TRIP13: variants seen among roughly 807,000 people sequenced by gnomAD.
TRIP13 encodes the protein pachytene checkpoint protein 2 homolog.
TRIP13 carries 25 observed loss-of-function variants against 54.4 expected under a neutral mutation model. The ratio of observed to expected loss-of-function variants is 0.46; its 90% CI spans 0.33 to 0.64. TRIP13 has a LOEUF of 0.64. TRIP13 is among the 30% of genes least tolerant of loss of function. The pLI is 0.02. For missense variants in TRIP13, 373 were observed against 534.2 expected (o/e 0.70, Z 2.97); for synonymous variants, 207 against 207.8 (o/e 1.00, Z 0.03).
chr5:917,030 G>A lies in TRIP13; in HGVS notation c.1226G>A (p.Gly409Glu), dbSNP rs148312124. 1.4e-4 allele frequency: 221 copies of A among 1,614,104 alleles called. No homozygotes were observed. The African/African-American group carries it at 2.1e-3, about 15-fold the overall frequency. ...TAGGCCCCCACCGTCACCATAGAGGGGTTCCTCCAGGCCCTGTCTCTGGCA... is the reference window on the plus strand; with the variant it reads ...TAGGCCCCCACCGTCACCATAGAGGAGTTCCTCCAGGCCCTGTCTCTGGCA... ...YVQAPTVTIE[G>E]FLQALSLAVD... is the part of the protein sequence containing the mutation. Residue 409 changes from glycine (G) to glutamate (E), a missense_variant, in exon 13 of 13, where the codon GGG becomes GAG. Around this residue, in one of 4 missense-constraint regions of TRIP13, gnomAD observed 101 missense variants for 138.5 expected, o/e 0.73. Transcript: ENST00000166345.
At chr5:910,759 G>A (rs916449436) in intron 9 of TRIP13, among the ~76,000 whole-genome samples, 7 of 152,174 alleles carry the variant, frequency 4.6e-5, no homozygotes, top group East Asian at 1.9e-4. Flanking sequence ...CCCCTGGGTC[G>A]TGATCTGCAG....
chr5:915,845 A>C lies in TRIP13; in HGVS notation c.1134-59A>C, dbSNP rs895170170. 1.3e-6 allele frequency: 2 copies of C among 1,585,000 alleles called. No individual in the cohort carries two copies. The highest frequency in any genetic ancestry group is 2.7e-5 in the African/African-American group (2 of 74,328). ...GATGCCTCGGCCAATGAGGAAAATT[A>C]GTCCTGAAACGTGTGATTGTATAAA... On this transcript the variant is annotated intron_variant, in intron 11 of 12. Transcript: ENST00000166345. The surrounding 1 kb of genome is among the most constrained non-coding windows in gnomAD (Gnocchi z 4.2).
rs1227074582 is a variant in TRIP13 at position 912,949 on chromosome 5, A to G, written c.1020+953A>G. Among the ~76,000 whole-genome samples, 1 of 152,184 alleles carries G rather than the reference A, an allele frequency of 6.6e-6. No individual in the cohort carries two copies. Among genetic ancestry groups the G allele is most frequent in the Non-Finnish European group, 1.5e-5 (1 of 68,028 alleles). Reference sequence around the variant, plus strand: ...AGTTGTTGCCACCTGCTGGTACCACAGAGTAGGGGTGTTAACAAGGATGGC... The same window carrying G: ...AGTTGTTGCCACCTGCTGGTACCACGGAGTAGGGGTGTTAACAAGGATGGC... On this transcript the variant is annotated intron_variant, in intron 10 of 12. Coordinates refer to ENST00000166345, the MANE Select transcript of TRIP13 (RefSeq NM_004237.4). This position sits in a 1 kb window ranked among gnomAD's most constrained non-coding sequence, Gnocchi z 7.2.
At chr5:896,606 G>C (rs1252034451) in intron 2 of TRIP13, 59 bp from the exon 3 acceptor site, 1 of 1,559,540 alleles carries the variant, frequency 6.4e-7, no homozygotes, top group Non-Finnish European at 8.7e-7. Context: ...TAATTTGTAT[G>C]GTTGCAGTTA....
intron 4 of TRIP13, among the ~76,000 whole-genome samples, chr5:900,942 G>C (rs1299072169): frequency 6.6e-6 from 1 of 151,856 alleles, no homozygotes; most frequent in Admixed American, 6.6e-5. Flanking sequence ...CCTCTGCATT[G>C]ATAGTCTGAG....
At chr5:910,996 CAT>C (rs979728096) in intron 9 of TRIP13, among the ~76,000 whole-genome samples, 1 of 152,354 alleles carries the variant, frequency 6.6e-6, no homozygotes, top group African/African-American at 2.4e-5. Flanking sequence ...AGCACTGCCA[CAT>C]GTGCAGCCAC....
chr5:907,191 GAAGT>G lies in TRIP13; in HGVS notation c.672+4_672+7del. On this transcript the variant is annotated splice_donor_variant and coding_sequence_variant, in exon 7 of 13. Transcript: ENST00000166345. LOFTEE classifies it high-confidence loss of function. This position sits in a 1 kb window ranked among gnomAD's most constrained non-coding sequence, Gnocchi z 4.1. Reference sequence around the variant, plus strand: ...CAGCCTCTTTTCTAAGTGGTTTTCGGAAGTAAGTATTAAATATTAATTCTAATTG... The same window carrying G: ...CAGCCTCTTTTCTAAGTGGTTTTCGGAAGTATTAAATATTAATTCTAATTG... 6.2e-7 allele frequency: 1 copy of G among 1,612,322 alleles called. No homozygotes were observed. Among genetic ancestry groups the G allele is most frequent in the Non-Finnish European group, 8.5e-7 (1 of 1,178,400 alleles).
chr5:900,571 C>T, intron 4 of TRIP13, 22 bp downstream of exon 4: 2 of 1,608,920 alleles, frequency 1.2e-6, no homozygotes, highest in Non-Finnish European at 1.7e-6. Context: ...TGCCTTTTCC[C>T]AGAATGCCCT....
chr5:914,865 C>T (rs1360494515), intron 11 of TRIP13, among the ~76,000 whole-genome samples: 2 of 152,018 alleles, frequency 1.3e-5, no homozygotes, highest in Non-Finnish European at 2.9e-5. Context: ...TACAAGGATT[C>T]GCAGAGTCCA....
At chr5:896,374 C>T (rs573632326) in intron 2 of TRIP13, among the ~76,000 whole-genome samples, 2 of 152,126 alleles carry the variant, frequency 1.3e-5, no homozygotes, top group African/African-American at 4.8e-5. Flanking sequence ...AGTTTTTGGT[C>T]CCATCTGTGT....
At chr5:896,291 G>A (rs1753912244) in intron 2 of TRIP13, among the ~76,000 whole-genome samples, 1 of 152,150 alleles carries the variant, frequency 6.6e-6, no homozygotes, top group Admixed American at 6.5e-5. Context: ...TCTAGCCTGG[G>A]CGACAAAGCA....
Position 916,860 on chromosome 5 carries a change from G to A in TRIP13, c.1204-148G>A, listed in dbSNP as rs72703199. 20,527 of 540,168 alleles carry A rather than the reference G, an allele frequency of 0.038. 484 individuals carry two copies. The highest frequency in any genetic ancestry group is 0.046 in the Non-Finnish European group (14,482 of 317,186). The allele number at this position is 540,168 out of a possible 1,614,324, so 33.5% of individuals were successfully genotyped here. ...AGCTTGGCTGATGTGCGTCCTGGAC[G>A]TGTGTGGTGCGCACTCACTGCTCAC... On this transcript the variant is annotated intron_variant, in intron 12 of 12. Transcript: ENST00000166345.
chr5:900,341 T>G (rs546284), intron 3 of TRIP13, among the ~76,000 whole-genome samples, 153 bp from the exon 4 acceptor site: 1 of 152,164 alleles, frequency 6.6e-6, no homozygotes, highest in Non-Finnish European at 1.5e-5. Flanking sequence ...TGAAGAAAAA[T>G]TTGCAGAATT....
At chr5:918,910 A>G (rs927302288), downstream of TRIP13, 2 of 152,200 alleles carry the variant, frequency 1.3e-5, no homozygotes, top group Non-Finnish European at 2.9e-5. The surrounding 1 kb of genome is among the most constrained non-coding windows in gnomAD (Gnocchi z 4.3). Context: ...TTACCAGCCC[A>G]GTGACTCAAA....
chr5:896,831 G>A (rs752561188), intron 3 of TRIP13, 37 bp downstream of exon 3: 25 of 1,602,918 alleles, frequency 1.6e-5, no homozygotes, highest in Non-Finnish European at 2.0e-5. Flanking sequence ...GGAGGCTGAG[G>A]TCAGAGGATT....
At position 917,010 on chromosome 5, in the gene TRIP13, C is replaced by T; in HGVS notation, c.1206C>T (p.Ala402=). Residue 402 remains alanine, a splice_region_variant and synonymous_variant, in exon 13 of 13, where the codon GCC becomes GCT. Coordinates refer to ENST00000166345, the MANE Select transcript of TRIP13 (RefSeq NM_004237.4). Reference sequence around the variant, plus strand: ...AGCAATGACCGTGTACCTTCTAGGCCCCCACCGTCACCATAGAGGGGTTCC... The same window carrying T: ...AGCAATGACCGTGTACCTTCTAGGCTCCCACCGTCACCATAGAGGGGTTCC... ...PFLAHALYVQ[A]PTVTIEGFLQ... 1 of 1,613,702 alleles carries T rather than the reference C, an allele frequency of 6.2e-7. No homozygotes were observed. The highest frequency in any genetic ancestry group is 8.5e-7 in the Non-Finnish European group (1 of 1,179,862).
rs1012635440 is a variant in TRIP13, at chr5:911,368, G to A, written c.867-475G>A. Among the ~76,000 whole-genome samples, 2 of 152,008 alleles carry A rather than the reference G, an allele frequency of 1.3e-5. No individual in the cohort carries two copies. Among genetic ancestry groups the A allele is most frequent in the African/African-American group, 2.4e-5 (1 of 41,388 alleles). On this transcript the variant is annotated intron_variant, in intron 9 of 12. Transcript: ENST00000166345. The surrounding 1 kb of genome is among the most constrained non-coding windows in gnomAD (Gnocchi z 4.7). The stretch of plus-strand genomic sequence containing the variant: ...AGGCGGATCACGAGGTCAGGAGATC[G>A]AGACCATCCTGGCTAACACGGTGAA...
In TRIP13 at chr5:911,820, T is replaced by C; in HGVS notation, c.867-23T>C. ...TCACCGACAGCCGTGATGACTGTGG[T>C]GCTTGCTTCTCGGCCACAACAGGCA... On this transcript the variant is annotated intron_variant, in intron 9 of 12. Transcript: ENST00000166345. The surrounding 1 kb of genome is among the most constrained non-coding windows in gnomAD (Gnocchi z 4.7). 1 of 1,601,538 alleles carries C rather than the reference T, an allele frequency of 6.2e-7. No homozygotes were observed. The highest frequency in any genetic ancestry group is 8.5e-7 in the Non-Finnish European group (1 of 1,173,916).
At chr5:897,216 G>T (rs1407607998) in intron 3 of TRIP13, among the ~76,000 whole-genome samples, 36 of 134,316 alleles carry the variant, frequency 2.7e-4, no homozygotes, top group Non-Finnish European at 3.6e-4. Context: ...GCTTCATTCA[G>T]TCAGTGTGTG....
Sources: gnomAD v4.1 joint callset for allele counts (sites outside exome capture counted in the v4.1 genomes callset) on GRCh38, gnomAD v4.1.1 for gene constraint, gnomAD v4.1.1 regional missense constraint, Gnocchi (gnomAD v3.1) non-coding constraint, MANE v1.5 for transcripts, NCBI Gene and HGNC (gene_info 2026-07-23, HGNC 2026-07-21) for gene names.